The following MGLL variants were observed in gnomAD, a reference collection of about 807,000 sequenced individuals.
MGLL encodes monoglyceride lipase, also known as lysophospholipase homolog.
In MGLL, 7 loss-of-function variants were observed where a neutral mutation model predicts 29.1. The ratio of observed to expected loss-of-function variants is 0.24; its 90% CI spans 0.14 to 0.45. The LOEUF is 0.45. Ranked by LOEUF, MGLL falls within the 20% of genes least tolerant of loss-of-function variation. The pLI, the probability that MGLL is intolerant of heterozygous loss-of-function variation, is 0.99. For missense variants in MGLL, 356 were observed against 413.6 expected, an observed-to-expected ratio of 0.86 and a Z score of 1.21; for synonymous variants, 148 against 168.3, an observed-to-expected ratio of 0.88 and a Z score of 0.93.
intron 2 of MGLL, among the ~76,000 whole-genome samples, chr3:127,800,848 A>G (rs1576306548): frequency 6.6e-6 from 1 of 152,238 alleles, no homozygotes; most frequent in Non-Finnish European, 1.5e-5. Context: ...ATTGTAGCCA[A>G]CAAGAAATCC....
chr3:127,719,346 T>C (rs888235481), intron 5 of MGLL, among the ~76,000 whole-genome samples: 63 of 152,234 alleles, frequency 4.1e-4, no homozygotes, highest in Non-Finnish European at 7.3e-5. Context: ...TTTTCTTCCC[T>C]GGGGAAATAT....
chr3:127,726,440 T>C (rs988129453), intron 3 of MGLL, among the ~76,000 whole-genome samples: 1 of 152,126 alleles, frequency 6.6e-6, no homozygotes, highest in African/African-American at 2.4e-5. Context: ...TATTTTTTTT[T>C]ATTTTTTATT....
intron 3 of MGLL, among the ~76,000 whole-genome samples, chr3:127,777,301 G>A (rs1362045033): frequency 6.6e-6 from 1 of 152,246 alleles, no homozygotes; most frequent in Non-Finnish European, 1.5e-5. Context: ...TCGGGGAAAT[G>A]CTAATTTAAT....
chr3:127,765,209 C>T (rs1434288307), intron 3 of MGLL, among the ~76,000 whole-genome samples: 1 of 152,168 alleles, frequency 6.6e-6, no homozygotes, highest in East Asian at 1.9e-4. Flanking sequence ...AGTAATTTGA[C>T]TTTTTTTCTC....
intron 3 of MGLL, among the ~76,000 whole-genome samples, chr3:127,737,621 C>T (rs1245702697): frequency 8.4e-6 from 1 of 118,622 alleles, no homozygotes; most frequent in Admixed American, 8.5e-5. Flanking sequence ...GTGAAATCAT[C>T]AACTGCTTCT....
chr3:127,745,248 T>G (rs1277857098), intron 3 of MGLL, among the ~76,000 whole-genome samples: 2 of 152,254 alleles, frequency 1.3e-5, no homozygotes. Flanking sequence ...CAAAAAATGC[T>G]AGTCTTCCTT....
chr3:127,767,545 T>C (rs904135121), intron 3 of MGLL, among the ~76,000 whole-genome samples: 1 of 152,204 alleles, frequency 6.6e-6, no homozygotes, highest in Non-Finnish European at 1.5e-5. Flanking sequence ...TGAAAGCACA[T>C]GGTAGGCACT....
Position 127,721,119 on chromosome 3 carries a change from G to A in MGLL, c.444C>T (p.His148=), listed in dbSNP as rs1341058774. Residue 148 remains histidine, a synonymous_variant, in exon 5 of 8, where the codon CAC becomes CAT. Coordinates refer to ENST00000265052, the MANE Select transcript of MGLL (RefSeq NM_007283.7). ...GCGAAATGAGTACCATGCCGGCGAA[G>A]TGGCCCGGCCTCTCTGCGGCCGTGA... ...AILTAAERPG[H]FAGMVLISPL... 6.2e-7 allele frequency: 1 copy of A among 1,614,130 alleles called. No homozygotes were observed. Among genetic ancestry groups the A allele is most frequent in the Admixed American group, 1.7e-5 (1 of 60,014 alleles).
chr3:127,753,414 G>A (rs1482843636), intron 3 of MGLL, among the ~76,000 whole-genome samples: 2 of 152,232 alleles, frequency 1.3e-5, no homozygotes, highest in African/African-American at 4.8e-5. Flanking sequence ...TCAGGGCTTA[G>A]GTGTGAGGCC....
chr3:127,780,024 A>T (rs1213489120), intron 3 of MGLL, among the ~76,000 whole-genome samples: 1 of 152,252 alleles, frequency 6.6e-6, no homozygotes, highest in African/African-American at 2.4e-5. Context: ...AGCTTGAAAC[A>T]GGTGAACACC....
chr3:127,710,676 AG>A lies in MGLL; in HGVS notation c.511-12del. 1 of 1,553,752 alleles carries A rather than the reference AG, an allele frequency of 6.4e-7. No individual in the cohort carries two copies. The highest frequency in any genetic ancestry group is 2.4e-5 in the East Asian group (1 of 41,880). On this transcript the variant is annotated splice_polypyrimidine_tract_variant and intron_variant, in intron 5 of 7. Transcript: ENST00000265052. The stretch of plus-strand genomic sequence containing the variant: ...TTTCGCAGCAAGGACCTAGCCGGGG[AG>A]GGAAAACAAGGGCTGTGAGCACAAG...
chr3:127,759,292 G>A (rs2076720155), intron 3 of MGLL, among the ~76,000 whole-genome samples: 1 of 152,168 alleles, frequency 6.6e-6, no homozygotes, highest in Non-Finnish European at 1.5e-5. Context: ...CCCAGCAACT[G>A]AGACACAGAG....
Position 127,799,735 on chromosome 3 carries a change from A to C in MGLL, c.156-17840T>G, listed in dbSNP as rs1307048558. 3.3e-5 allele frequency among the ~76,000 whole-genome samples: 5 copies of C among 152,228 alleles called. No individual in the cohort carries two copies. In the East Asian group the frequency reaches 9.6e-4, roughly 29 times the overall value. On this transcript the variant is annotated intron_variant, in intron 2 of 7. Coordinates refer to ENST00000265052, the MANE Select transcript of MGLL (RefSeq NM_007283.7). ...CAGCCCCCAAGCAGCTCACTACAGTAGTACCGGCAAAGGAAGGGCTTCATA... is the reference window on the plus strand; with the variant it reads ...CAGCCCCCAAGCAGCTCACTACAGTCGTACCGGCAAAGGAAGGGCTTCATA...
chr3:127,768,891 G>A lies in MGLL; in HGVS notation c.262+12898C>T, dbSNP rs1470908779. Among the ~76,000 whole-genome samples, 4 of 152,230 alleles carry A rather than the reference G, an allele frequency of 2.6e-5. No individual in the cohort carries two copies. In the South Asian group the frequency reaches 6.2e-4, roughly 24 times the overall value. On this transcript the variant is annotated intron_variant, in intron 3 of 7. Transcript: ENST00000265052. ...TGGTCCCACCCTGGAGCCGGAGAGTGTGCACTTCCTGCAAATCCCTGGGTG... is the reference window on the plus strand; with the variant it reads ...TGGTCCCACCCTGGAGCCGGAGAGTATGCACTTCCTGCAAATCCCTGGGTG...
Position 127,761,471 on chromosome 3 carries a change from C to G in MGLL, c.262+20318G>C, listed in dbSNP as rs2076763324. On this transcript the variant is annotated intron_variant, in intron 3 of 7. Transcript: ENST00000265052. This position sits in a 1 kb window ranked among gnomAD's most constrained non-coding sequence, Gnocchi z 4.6. ...ACCTCCACAGCCAGGGTGGAAGCCA[C>G]AGAACACTCAGAGACAGCAGTCAAA... 6.6e-6 allele frequency among the ~76,000 whole-genome samples: 1 copy of G among 152,352 alleles called. No individual in the cohort carries two copies. Among genetic ancestry groups the G allele is most frequent in the Non-Finnish European group, 1.5e-5 (1 of 68,034 alleles).
At chr3:127,774,454 A>G (rs2076998910) in intron 3 of MGLL, among the ~76,000 whole-genome samples, 1 of 152,242 alleles carries the variant, frequency 6.6e-6, no homozygotes, top group African/African-American at 2.4e-5. Context: ...TAGAACAGTT[A>G]GGAGTGCAGT....
At chr3:127,777,527 T>C (rs2077055657) in intron 3 of MGLL, among the ~76,000 whole-genome samples, 1 of 152,258 alleles carries the variant, frequency 6.6e-6, no homozygotes, top group Admixed American at 6.5e-5. Context: ...TTTGCCTTCC[T>C]GATAGGAGCC....
chr3:127,717,788 C>T (rs945745986), intron 5 of MGLL, among the ~76,000 whole-genome samples: 1 of 152,166 alleles, frequency 6.6e-6, no homozygotes, highest in Non-Finnish European at 1.5e-5. Context: ...TGAGTGCTGT[C>T]CCAGACAACT....
intron 3 of MGLL, among the ~76,000 whole-genome samples, chr3:127,729,379 T>C (rs1351802852): frequency 6.6e-6 from 1 of 152,218 alleles, no homozygotes; most frequent in East Asian, 1.9e-4. Context: ...CCATCATCCA[T>C]CTCTAGATAG....
Sources: allele counts gnomAD v4.1 joint callset (sites outside exome capture counted in the v4.1 genomes callset), GRCh38; gene constraint gnomAD v4.1.1; non-coding constraint Gnocchi (gnomAD v3.1); transcripts MANE v1.5; gene names NCBI Gene and HGNC (gene_info 2026-07-23, HGNC 2026-07-21).